The following HIPK2 variants were observed in gnomAD, a reference collection of about 807,000 sequenced individuals.
HIPK2 encodes the protein homeodomain interacting protein kinase 2.
In HIPK2, 27 loss-of-function variants were observed where a neutral mutation model predicts 113.7. That is an observed-to-expected ratio of 0.24 (90% CI 0.17 to 0.33). The LOEUF (loss-of-function observed/expected upper bound fraction) is 0.33. Ranked by LOEUF, HIPK2 falls within the 10% of genes least tolerant of loss-of-function variation. HIPK2 has a pLI of 1.00. For missense variants in HIPK2, 1,257 were observed against 1,588.0 expected, an observed-to-expected ratio of 0.79 and a Z score of 3.54; for synonymous variants, 631 against 642.2, an observed-to-expected ratio of 0.98 and a Z score of 0.26.
rs919368888 is a variant in HIPK2 at position 139,630,813 on chromosome 7, C to T, written c.1347+352G>A. On this transcript the variant is annotated intron_variant, in intron 4 of 14. Coordinates refer to ENST00000406875, the MANE Select transcript of HIPK2 (RefSeq NM_022740.5). This position sits in a 1 kb window ranked among gnomAD's most constrained non-coding sequence, Gnocchi z 4.0. ...TTCTTGACCAGGAACAGGGCCCTTA[C>T]TACAGTGGGCGGGAGCTTGTGGCAC... Among the ~76,000 whole-genome samples the T allele has an allele frequency of 1.3e-5, 2 of 152,262 alleles. No homozygotes were observed. The highest frequency in any genetic ancestry group is 4.8e-5 in the African/African-American group (2 of 41,478).
At chr7:139,651,637 CACTT>C (rs1204213903) in intron 2 of HIPK2, among the ~76,000 whole-genome samples, 2 of 152,184 alleles carry the variant, frequency 1.3e-5, no homozygotes. Flanking sequence ...ACAAATGAAA[CACTT>C]ACATGAAATC....
intron 1 of HIPK2, among the ~76,000 whole-genome samples, chr7:139,764,243 G>C (rs1796516988): frequency 6.6e-6 from 1 of 152,194 alleles, no homozygotes; most frequent in African/African-American, 2.4e-5. Context: ...CAACGAAACT[G>C]ATACTACGTA....
chr7:139,631,508 C>T lies in HIPK2; in HGVS notation c.1227+94G>A, dbSNP rs1039252642. ...GAGACAACGTGACATTCCACAGTCCCGCCCATTTGTCATGTAATCAATGAA... is the reference window on the plus strand; with the variant it reads ...GAGACAACGTGACATTCCACAGTCCTGCCCATTTGTCATGTAATCAATGAA... On this transcript the variant is annotated intron_variant, in intron 3 of 14. Coordinates refer to ENST00000406875, the MANE Select transcript of HIPK2 (RefSeq NM_022740.5). This position sits in a 1 kb window ranked among gnomAD's most constrained non-coding sequence, Gnocchi z 4.9. 122 of 1,539,108 alleles carry T rather than the reference C, an allele frequency of 7.9e-5. No homozygotes were observed. Among genetic ancestry groups the T allele is most frequent in the Non-Finnish European group, 9.9e-5 (113 of 1,141,484 alleles).
intron 2 of HIPK2, among the ~76,000 whole-genome samples, chr7:139,679,383 C>T (rs1368454879): frequency 6.6e-6 from 1 of 152,082 alleles, no homozygotes; most frequent in Non-Finnish European, 1.5e-5. Flanking sequence ...TTGAAGGGGA[C>T]CCATTAAAAC....
chr7:139,689,515 T>C (rs749669985), intron 2 of HIPK2, among the ~76,000 whole-genome samples: 12 of 152,202 alleles, frequency 7.9e-5, no homozygotes, highest in Admixed American at 2.6e-4. Flanking sequence ...ATTAGCTAAA[T>C]TGCAAGTTCC....
At chr7:139,605,918 G>A (rs113890477) in intron 9 of HIPK2, among the ~76,000 whole-genome samples, 223 of 152,208 alleles carry the variant, frequency 1.5e-3, no homozygotes, top group African/African-American at 5.1e-3. Context: ...TAACAATTTC[G>A]TTTGCAGTAA....
intron 12 of HIPK2, among the ~76,000 whole-genome samples, chr7:139,596,096 G>A (rs1799203827): frequency 6.6e-6 from 1 of 152,222 alleles, no homozygotes. Flanking sequence ...TTTTGCTGAA[G>A]TCTGGCTGGG....
At chr7:139,626,506 A>G (rs1800435707) in intron 6 of HIPK2, 95 bp downstream of exon 6, 1 of 1,345,264 alleles carries the variant, frequency 7.4e-7, no homozygotes, top group African/African-American at 1.5e-5. Context: ...AGTAGTTGTT[A>G]CCAAGACCTT....
intron 2 of HIPK2, among the ~76,000 whole-genome samples, chr7:139,664,625 A>C (rs1048025398): frequency 6.6e-6 from 1 of 152,078 alleles, no homozygotes; most frequent in Non-Finnish European, 1.5e-5. Flanking sequence ...CTATGGCGCA[A>C]CATCCCTTTC....
intron 12 of HIPK2, among the ~76,000 whole-genome samples, chr7:139,584,382 C>T (rs1380178043): frequency 6.6e-6 from 1 of 152,218 alleles, no homozygotes; most frequent in African/African-American, 2.4e-5. Flanking sequence ...GCAGGGGAGG[C>T]ACCTGCAGCC....
At chr7:139,600,099 C>T (rs1201782194) in intron 11 of HIPK2, among the ~76,000 whole-genome samples, 1 of 152,128 alleles carries the variant, frequency 6.6e-6, no homozygotes, top group Non-Finnish European at 1.5e-5. Flanking sequence ...CCACCGACAC[C>T]CCCCAACCCT....
chr7:139,668,743 T>TTG, intron 2 of HIPK2, among the ~76,000 whole-genome samples: 1 of 152,350 alleles, frequency 6.6e-6, no homozygotes. Context: ...TTACAAATGC[T>TTG]ATTCAAAATT....
chr7:139,665,947 T>A (rs2116592823), intron 2 of HIPK2, among the ~76,000 whole-genome samples: 1 of 144,454 alleles, frequency 6.9e-6, no homozygotes, highest in African/African-American at 2.5e-5. Context: ...TAAGGAGGTC[T>A]GCCTTTTTTT....
In HIPK2 at chr7:139,727,538, C is replaced by T. The variant is rs150911941; in HGVS notation, c.20-10523G>A. On this transcript the variant is annotated intron_variant, in intron 1 of 14. Transcript: ENST00000406875. ...GAAAACATCCTTTTCCTAACATTTG[C>T]AAATTCTCCACACATCTATCTACTT... Among the ~76,000 whole-genome samples, 303 of 152,354 alleles carry T rather than the reference C, an allele frequency of 2.0e-3. 1 individual carries two copies. The highest frequency in any genetic ancestry group is 6.8e-3 in the African/African-American group (283 of 41,572).
chr7:139,686,063 A>G (rs1794207767), intron 2 of HIPK2, among the ~76,000 whole-genome samples: 1 of 152,230 alleles, frequency 6.6e-6, no homozygotes, highest in Admixed American at 6.5e-5. Flanking sequence ...CCCATTCTAA[A>G]TGCCATTAAG....
At chr7:139,624,168 G>A (rs1217606937) in intron 6 of HIPK2, among the ~76,000 whole-genome samples, 1 of 152,108 alleles carries the variant, frequency 6.6e-6, no homozygotes. Flanking sequence ...GATTACAGAA[G>A]TGCGGCCACC....
At chr7:139,597,529 A>G (rs1270811706) in intron 11 of HIPK2, among the ~76,000 whole-genome samples, 1 of 152,224 alleles carries the variant, frequency 6.6e-6, no homozygotes, top group Non-Finnish European at 1.5e-5. Flanking sequence ...AAAGGACCTA[A>G]CCTTGGTGAC....
At chr7:139,629,141 C>T in intron 4 of HIPK2, 102 bp from the exon 5 acceptor site, 1 of 904,142 alleles carries the variant, frequency 1.1e-6, no homozygotes, top group Non-Finnish European at 1.7e-6. Flanking sequence ...CTCTTTCCCA[C>T]ATTTCGGAAG....
At chr7:139,750,287 C>G (rs1796258731) in intron 1 of HIPK2, among the ~76,000 whole-genome samples, 1 of 152,206 alleles carries the variant, frequency 6.6e-6, no homozygotes, top group Non-Finnish European at 1.5e-5. Context: ...GAACTCTCCT[C>G]TGTGAGCATT....
Sources: allele counts gnomAD v4.1 joint callset (sites outside exome capture counted in the v4.1 genomes callset), GRCh38; gene constraint gnomAD v4.1.1; non-coding constraint Gnocchi (gnomAD v3.1); transcripts MANE v1.5; gene names NCBI Gene and HGNC (gene_info 2026-07-23, HGNC 2026-07-21).